Variants in MAPKAP1 observed in about 807,000 individuals in gnomAD.
The protein encoded by MAPKAP1 is target of rapamycin complex 2 subunit MAPKAP1.
A neutral mutation model predicts 65.7 loss-of-function variants in MAPKAP1; 20 were observed. The ratio of observed to expected loss-of-function variants is 0.30; its 90% CI spans 0.21 to 0.44. The LOEUF is 0.44. MAPKAP1 is among the 20% of genes least tolerant of loss of function. MAPKAP1 has a pLI of 1.00. For missense variants in MAPKAP1, 423 were observed against 648.0 expected (o/e 0.65, Z 3.77); for synonymous variants, 222 against 244.3 (o/e 0.91, Z 0.85).
At position 125,438,978 on chromosome 9, in the gene MAPKAP1, G is replaced by A. The variant is rs1478642240; in HGVS notation, c.1478C>T (p.Ala493Val). ...NYILESRAST[A>V]RADYFAQKQR... ...TTTTTGAGCAAAGTAGTCAGCCCGG[G>A]CAGTGCTAGCTCGCGATTCCAGGAT... Residue 493 changes from alanine (A) to valine (V), a missense_variant, in exon 12 of 12, where the codon GCC (alanine) becomes GTC (valine). Transcript: ENST00000265960. 6.2e-7 allele frequency: 1 copy of A among 1,614,114 alleles called. No homozygotes were observed. The highest frequency in any genetic ancestry group is 1.7e-5 in the Admixed American group (1 of 60,026).
rs28612608 is a variant in MAPKAP1, at chr9:125,602,835, G to C, written c.499-17108C>G. On this transcript the variant is annotated intron_variant, in intron 4 of 11. Transcript: ENST00000265960. ...AAAACCCTCAGCTGGTGCAGCCTGGGCAACAGGGCAAGACCCTGTCTCAAA... is the reference window on the plus strand; with the variant it reads ...AAAACCCTCAGCTGGTGCAGCCTGGCCAACAGGGCAAGACCCTGTCTCAAA... Among the ~76,000 whole-genome samples, 1,514 of 152,254 alleles carry C rather than the reference G, an allele frequency of 9.9e-3. 22 individuals carry two copies. Among genetic ancestry groups the C allele is most frequent in the African/African-American group, 0.035 (1,438 of 41,538 alleles).
intron 4 of MAPKAP1, among the ~76,000 whole-genome samples, chr9:125,597,206 A>C (rs1323569577): frequency 1.4e-5 from 2 of 145,120 alleles, no homozygotes; most frequent in East Asian, 4.4e-4. Flanking sequence ...TGGAGCTTGC[A>C]ATGAGCCGAG....
intron 5 of MAPKAP1, among the ~76,000 whole-genome samples, chr9:125,560,307 C>A (rs1830854404): frequency 6.6e-6 from 1 of 152,148 alleles, no homozygotes; most frequent in South Asian, 2.1e-4. Context: ...AATATCTGGA[C>A]AGGCATGGTG....
At chr9:125,698,844 A>G (rs559138265) in intron 1 of MAPKAP1, among the ~76,000 whole-genome samples, 6 of 152,068 alleles carry the variant, frequency 3.9e-5, no homozygotes, top group Non-Finnish European at 7.4e-5. Context: ...ACAGCATCCT[A>G]AAGTCCTTCT....
intron 7 of MAPKAP1, among the ~76,000 whole-genome samples, chr9:125,514,646 T>C (rs563326514): frequency 6.6e-6 from 1 of 152,306 alleles, no homozygotes; most frequent in Non-Finnish European, 1.5e-5. Flanking sequence ...GCTGAGAAGC[T>C]TGGCCCAGAT....
At chr9:125,541,942 G>A (rs1830262925) in intron 7 of MAPKAP1, among the ~76,000 whole-genome samples, 2 of 152,246 alleles carry the variant, frequency 1.3e-5, no homozygotes, top group Admixed American at 6.5e-5. Flanking sequence ...GAAACGTGCA[G>A]TTGGCACATC....
Position 125,672,403 on chromosome 9 carries a change from T to G in MAPKAP1, c.172A>C (p.Asn58His), listed in dbSNP as rs1434510450. ...GDSGSEIQGSNGETQGYVYAQ... is the reference protein window; with the variant it reads ...GDSGSEIQGSHGETQGYVYAQ... Reference sequence around the variant, plus strand: ...TATACATAGCCCTGAGTCTCACCATTGCTTCCCTGAATTTCTGACCCACTG... The same window carrying G: ...TATACATAGCCCTGAGTCTCACCATGGCTTCCCTGAATTTCTGACCCACTG... The change falls in exon 2 of 12, where the codon AAT (asparagine) becomes CAT (histidine). Residue 58 changes from asparagine to histidine, a missense_variant. Transcript: ENST00000265960. 4.3e-6 allele frequency: 7 copies of G among 1,614,080 alleles called. No individual in the cohort carries two copies. Among genetic ancestry groups the G allele is most frequent in the Non-Finnish European group, 5.9e-6 (7 of 1,180,036 alleles).
At chr9:125,617,429 C>A (rs1832778190) in intron 4 of MAPKAP1, among the ~76,000 whole-genome samples, 1 of 152,188 alleles carries the variant, frequency 6.6e-6, no homozygotes, top group African/African-American at 2.4e-5. Context: ...CCACTGCACT[C>A]CAGCCTGGGC....
At chr9:125,549,394 C>A (rs2133188689) in intron 6 of MAPKAP1, among the ~76,000 whole-genome samples, 1 of 152,304 alleles carries the variant, frequency 6.6e-6, no homozygotes, top group South Asian at 2.1e-4. Flanking sequence ...AATATATGAG[C>A]AAGAGAAGGC....
At chr9:125,624,525 C>T (rs1429322849) in intron 4 of MAPKAP1, among the ~76,000 whole-genome samples, 1 of 80,288 alleles carries the variant, frequency 1.2e-5, no homozygotes, top group East Asian at 5.5e-4. Context: ...GTGAGGAGCC[C>T]CTCTGCCCAG....
chr9:125,522,728 C>T (rs1829655870), intron 7 of MAPKAP1, among the ~76,000 whole-genome samples: 1 of 152,162 alleles, frequency 6.6e-6, no homozygotes. Flanking sequence ...TCATACAATC[C>T]CTTCACAACT....
In MAPKAP1 at chr9:125,474,100, C is replaced by T. The variant is rs141931073; in HGVS notation, c.1208-5991G>A. On this transcript the variant is annotated intron_variant, in intron 9 of 11. Transcript: ENST00000265960. ...GTGACATAGACTCAGTGATGAGGGT[C>T]GAGTCTGGGGAGCTCAGGGAGCCAC... Among the ~76,000 whole-genome samples the T allele has an allele frequency of 9.6e-4, 146 of 152,094 alleles. 1 individual carries two copies. Among genetic ancestry groups the T allele is most frequent in the African/African-American group, 3.3e-3 (137 of 41,464 alleles).
At chr9:125,582,260 C>T (rs1197749906) in intron 5 of MAPKAP1, among the ~76,000 whole-genome samples, 1 of 152,162 alleles carries the variant, frequency 6.6e-6, no homozygotes, top group Non-Finnish European at 1.5e-5. Flanking sequence ...AGAAGTGAAA[C>T]ATGAATGTTA....
chr9:125,669,119 G>A (rs1050657766), intron 3 of MAPKAP1, among the ~76,000 whole-genome samples: 2 of 150,852 alleles, frequency 1.3e-5, no homozygotes, highest in African/African-American at 4.9e-5. Context: ...GGCGGAGGCT[G>A]CAGTGAGCCG....
At chr9:125,647,394 T>C (rs533154032) in intron 4 of MAPKAP1, among the ~76,000 whole-genome samples, 1 of 152,278 alleles carries the variant, frequency 6.6e-6, no homozygotes, top group East Asian at 1.9e-4. Flanking sequence ...CTGGGCTTCA[T>C]TATAAGAGTG....
At position 125,444,507 on chromosome 9, in the gene MAPKAP1, C is replaced by A. The variant is rs1229799627; in HGVS notation, c.1437G>T (p.Val479=). ...ESDAATVNEI[V]LKVNYILESR... is the part of the protein sequence containing the mutation. ...TTCAAGAAGGAATACTCACCTTGAG[C>A]ACAATTTCATTGACGGTAGCAGCGT... is the stretch of plus-strand genomic sequence containing the variant. Residue 479 remains valine (V), a synonymous_variant, in exon 11 of 12, where the codon GTG becomes GTT. Transcript: ENST00000265960. The A allele has an allele frequency of 1.9e-6, 3 of 1,611,384 alleles. No individual in the cohort carries two copies. Among genetic ancestry groups the A allele is most frequent in the Non-Finnish European group, 2.5e-6 (3 of 1,178,116 alleles).
At chr9:125,643,849 G>A (rs577611406) in intron 4 of MAPKAP1, among the ~76,000 whole-genome samples, 29 of 152,268 alleles carry the variant, frequency 1.9e-4, no homozygotes, top group African/African-American at 3.8e-4. Flanking sequence ...CATGGGAAAT[G>A]CTTCCAGTTT....
chr9:125,459,127 C>T (rs1300002012), intron 10 of MAPKAP1, among the ~76,000 whole-genome samples: 5 of 142,418 alleles, frequency 3.5e-5, no homozygotes, highest in African/African-American at 5.2e-5. Flanking sequence ...CGCTCTTCAC[C>T]TCCCAGACGG....
intron 4 of MAPKAP1, among the ~76,000 whole-genome samples, chr9:125,652,716 G>T (rs555181039): frequency 6.6e-6 from 1 of 152,124 alleles, no homozygotes; most frequent in South Asian, 2.1e-4. Flanking sequence ...ACTGCCAAGC[G>T]ATCACCAATA....
Sources: gnomAD v4.1 joint callset for allele counts (sites outside exome capture counted in the v4.1 genomes callset) on GRCh38, gnomAD v4.1.1 for gene constraint, MANE v1.5 for transcripts, NCBI Gene and HGNC (gene_info 2026-07-23, HGNC 2026-07-21) for gene names.